SYT2: variants seen among roughly 807,000 people sequenced by gnomAD.
SYT2 encodes the protein synaptotagmin 2.
Under a neutral mutation model 39.9 loss-of-function variants are expected in SYT2, and 15 were observed. The observed-to-expected ratio is 0.38, with a 90% CI of 0.25 to 0.58. The LOEUF is 0.58. Among genes scored for constraint, SYT2 ranks in the 20% least tolerant of loss-of-function variants. The pLI, the probability that SYT2 is intolerant of heterozygous loss-of-function variation, is 0.70. For missense variants in SYT2, 389 were observed against 530.3 expected (o/e 0.73, Z 2.62); for synonymous variants, 181 against 204.5 (o/e 0.89, Z 0.98).
intron 1 of SYT2, chr1:202,636,369 T>A: frequency 1.0e-6 from 1 of 985,368 alleles, no homozygotes; most frequent in African/African-American, 1.7e-5. Context: ...AAAGCCAGCA[T>A]GTGCTCCAGA....
intron 1 of SYT2, among the ~76,000 whole-genome samples, chr1:202,609,315 T>C (rs1490324142): frequency 1.3e-5 from 2 of 152,124 alleles, no homozygotes; most frequent in African/African-American, 4.8e-5. Context: ...TCTTTGCTAT[T>C]GTGAATAGTG....
rs1331547398 is a variant in SYT2 at position 202,600,436 on chromosome 1, A to C, written c.840T>G (p.Tyr280Ter). Residue 280 changes from tyrosine to a stop codon, truncating the protein, a stop_gained, in exon 7 of 9, where the codon TAT (tyrosine) becomes TAG (stop). Coordinates refer to ENST00000367268, the MANE Select transcript of SYT2 (RefSeq NM_177402.5). LOFTEE classifies it high-confidence loss of function. ...KLGDICTSLR[Y>*]VPTAGKLTVC... ...CAGTGAGCTTCCCGGCCGTGGGCACATAGCGCAGGGAGGTGCAGATGTCGC... is the reference window on the plus strand; with the variant it reads ...CAGTGAGCTTCCCGGCCGTGGGCACCTAGCGCAGGGAGGTGCAGATGTCGC... The C allele has an allele frequency of 1.2e-6, 2 of 1,614,226 alleles. No individual in the cohort carries two copies. Among genetic ancestry groups the C allele is most frequent in the Non-Finnish European group, 1.7e-6 (2 of 1,180,036 alleles).
rs1691260364 is a variant in SYT2, at chr1:202,623,564, G to A, written c.-17-17775C>T. On this transcript the variant is annotated intron_variant, in intron 1 of 8. Coordinates refer to ENST00000367268, the MANE Select transcript of SYT2 (RefSeq NM_177402.5). This position sits in a 1 kb window ranked among gnomAD's most constrained non-coding sequence, Gnocchi z 4.2. ...TGCTTGGGAGCAGGCCGGGAAGGGT[G>A]GGCGACCCGGAATGAGTGATTGAGT... Among the ~76,000 whole-genome samples, 1 of 152,256 alleles carries A rather than the reference G, an allele frequency of 6.6e-6. No individual in the cohort carries two copies. Among genetic ancestry groups the A allele is most frequent in the Non-Finnish European group, 1.5e-5 (1 of 68,044 alleles).
chr1:202,626,523 G>C (rs531946528), intron 1 of SYT2, among the ~76,000 whole-genome samples: 1 of 148,922 alleles, frequency 6.7e-6, no homozygotes, highest in Non-Finnish European at 1.5e-5. Context: ...GACTACAGGC[G>C]TACCACCATG....
chr1:202,698,949 G>A (rs1010235841), intron 1 of SYT2, among the ~76,000 whole-genome samples: 2 of 151,966 alleles, frequency 1.3e-5, no homozygotes, highest in African/African-American at 2.4e-5. Flanking sequence ...TTCTGAGGGG[G>A]CTGGGATCTA....
intron 1 of SYT2, among the ~76,000 whole-genome samples, chr1:202,702,326 T>C (rs954878165): frequency 1.3e-5 from 2 of 152,192 alleles, no homozygotes; most frequent in Admixed American, 1.3e-4. Context: ...GCTAATCCAA[T>C]TTCTCAGCTG....
chr1:202,679,906 C>T (rs1350253946), intron 1 of SYT2, among the ~76,000 whole-genome samples: 2 of 152,338 alleles, frequency 1.3e-5, no homozygotes, highest in Non-Finnish European at 2.9e-5. Flanking sequence ...TTTCTACTGT[C>T]ATCCATGTTG....
Position 202,600,367 on chromosome 1 carries a change from G to A in SYT2, c.909C>T (p.Gly303=), listed in dbSNP as rs750425155. 1.4e-5 allele frequency: 23 copies of A among 1,613,944 alleles called. No homozygotes were observed. Among genetic ancestry groups the A allele is most frequent in the East Asian group, 4.5e-5 (2 of 44,890 alleles). Residue 303 remains glycine, a synonymous_variant, in exon 7 of 9, where the codon GGC becomes GGT. Transcript: ENST00000367268. The part of the protein sequence containing the change: ...EAKNLKKMDV[G]GLSDPYVKIH... ...AAGCTCTCCACGTACCTGAAAGGCCGCCCACGTCCATCTTCTTGAGGTTCT... is the reference window on the plus strand; with the variant it reads ...AAGCTCTCCACGTACCTGAAAGGCCACCCACGTCCATCTTCTTGAGGTTCT...
intron 1 of SYT2, among the ~76,000 whole-genome samples, chr1:202,665,452 A>C (rs1309121703): frequency 1.3e-5 from 2 of 152,352 alleles, no homozygotes; most frequent in African/African-American, 4.8e-5. Flanking sequence ...CAGGCAGATG[A>C]ATATGTGATG....
chr1:202,707,962 A>G lies in SYT2; in HGVS notation c.-18+2296T>C, dbSNP rs183806084. On this transcript the variant is annotated intron_variant, in intron 1 of 8. Coordinates refer to ENST00000367268, the MANE Select transcript of SYT2 (RefSeq NM_177402.5). ...CTGCCTGGAAGCTGCCTAAGGGTAG[A>G]AGGAATAAAACGAGCTCCAGCTGCA... 1.0e-3 allele frequency among the ~76,000 whole-genome samples: 159 copies of G among 152,258 alleles called. 1 individual carries two copies. Among genetic ancestry groups the G allele is most frequent in the African/African-American group, 3.6e-3 (149 of 41,546 alleles).
At chr1:202,616,923 G>A (rs1346180111) in intron 1 of SYT2, among the ~76,000 whole-genome samples, 2 of 152,108 alleles carry the variant, frequency 1.3e-5, no homozygotes, top group Non-Finnish European at 2.9e-5. Context: ...TGATCTTCTG[G>A]GTCTCCTCTT....
intron 1 of SYT2, among the ~76,000 whole-genome samples, chr1:202,640,756 G>C (rs1572649672): frequency 7.3e-6 from 1 of 136,476 alleles, no homozygotes; most frequent in Non-Finnish European, 1.5e-5. Context: ...GAGAGAGAGA[G>C]AGAGAGAGAG....
intron 1 of SYT2, chr1:202,630,431 C>T (rs953814559): frequency 2.0e-6 from 2 of 983,138 alleles, no homozygotes; most frequent in Non-Finnish European, 2.4e-6. Flanking sequence ...GGCAAAGGCA[C>T]CTAGAACCAG....
chr1:202,600,202 G>A (rs1012658574), intron 7 of SYT2, among the ~76,000 whole-genome samples, 155 bp downstream of exon 7: 2 of 152,226 alleles, frequency 1.3e-5, no homozygotes, highest in Admixed American at 1.3e-4. Flanking sequence ...GAGAAAAGGA[G>A]GGCCTGGGAA....
chr1:202,631,010 G>A (rs957795538), intron 1 of SYT2, among the ~76,000 whole-genome samples: 2 of 152,216 alleles, frequency 1.3e-5, no homozygotes, highest in African/African-American at 4.8e-5. Context: ...GGCAGCTGCA[G>A]GGCCCAGCCC....
chr1:202,606,300 C>T (rs1455520814), intron 1 of SYT2, among the ~76,000 whole-genome samples: 1 of 152,160 alleles, frequency 6.6e-6, no homozygotes, highest in Non-Finnish European at 1.5e-5. Context: ...AACTGGTCTG[C>T]CCAACTCCAG....
rs1294488978 is a variant in SYT2, at chr1:202,590,880, GA to G, written c.*5876del. ...CAGAAAGCAGCAAATCAAGTCCTTA[GA>G]TGGGCAGGAGTCAGGGCAGAAGGGT... On this transcript the variant is annotated 3_prime_UTR_variant, in exon 9 of 9. Coordinates refer to ENST00000367268, the MANE Select transcript of SYT2 (RefSeq NM_177402.5). The G allele has an allele frequency of 6.6e-6, 1 of 152,136 alleles. No homozygotes were observed. Among genetic ancestry groups the G allele is most frequent in the Admixed American group, 6.5e-5 (1 of 15,282 alleles). The allele number at this position is 152,136 out of a possible 1,614,324, so 9.4% of individuals were successfully genotyped here.
intron 1 of SYT2, among the ~76,000 whole-genome samples, chr1:202,641,519 TG>T (rs1305783914): frequency 6.6e-6 from 1 of 152,230 alleles, no homozygotes; most frequent in East Asian, 1.9e-4. Flanking sequence ...TGTCTCAAAC[TG>T]GGACTCGTCC....
rs1252974731 is a variant in SYT2 at position 202,600,342 on chromosome 1, A to G, written c.919+15T>C. The G allele has an allele frequency of 6.2e-7, 1 of 1,611,010 alleles. No homozygotes were observed. The highest frequency in any genetic ancestry group is 1.7e-5 in the Admixed American group (1 of 60,006). On this transcript the variant is annotated intron_variant, in intron 7 of 8. Transcript: ENST00000367268. ...GCTGGTGCCACCCAATGGCAGCCAG[A>G]AGCTCTCCACGTACCTGAAAGGCCG... is the stretch of plus-strand genomic sequence containing the variant.
Sources: gnomAD v4.1 joint callset for allele counts (sites outside exome capture counted in the v4.1 genomes callset) on GRCh38, gnomAD v4.1.1 for gene constraint, Gnocchi (gnomAD v3.1) non-coding constraint, MANE v1.5 for transcripts, NCBI Gene and HGNC (gene_info 2026-07-23, HGNC 2026-07-21) for gene names.